GRXCR1: variants seen among roughly 807,000 people sequenced by gnomAD.
GRXCR1 encodes glutaredoxin domain-containing cysteine-rich protein 1.
GRXCR1 carries 27 observed loss-of-function variants against 27.3 expected under a neutral mutation model. The ratio of observed to expected loss-of-function variants is 0.99; its 90% CI spans 0.73 to 1.37. The LOEUF (loss-of-function observed/expected upper bound fraction) is 1.37. GRXCR1 is among the 40% of genes most tolerant of loss of function. The pLI, the probability that GRXCR1 is intolerant of heterozygous loss-of-function variation, is 0.00. For missense variants in GRXCR1, 379 were observed against 354.4 expected, an observed-to-expected ratio of 1.07 and a Z score of -0.56; for synonymous variants, 122 against 131.1, an observed-to-expected ratio of 0.93 and a Z score of 0.47.
chr4:42,916,672 T>G (rs1746893755), intron 1 of GRXCR1, among the ~76,000 whole-genome samples: 1 of 152,150 alleles, frequency 6.6e-6, no homozygotes, highest in African/African-American at 2.4e-5. Context: ...TTAGTAATAC[T>G]AATTTTCATC....
At chr4:42,977,762 T>A (rs2109782977) in intron 2 of GRXCR1, among the ~76,000 whole-genome samples, 1 of 152,194 alleles carries the variant, frequency 6.6e-6, no homozygotes, top group Admixed American at 6.6e-5. Flanking sequence ...GGTTGTCCCC[T>A]CACTCTGTTG....
chr4:42,939,016 T>C (rs1747533535), intron 1 of GRXCR1, among the ~76,000 whole-genome samples: 1 of 152,084 alleles, frequency 6.6e-6, no homozygotes, highest in Non-Finnish European at 1.5e-5. Context: ...AGATAAATTT[T>C]AGAATTGCTT....
intron 2 of GRXCR1, among the ~76,000 whole-genome samples, chr4:43,008,429 A>C (rs1712633653): frequency 6.6e-6 from 1 of 152,210 alleles, no homozygotes; most frequent in African/African-American, 2.4e-5. Context: ...GTTTGCCTTT[A>C]CAAGTGGCAC....
chr4:42,899,409 C>T (rs1205680209), intron 1 of GRXCR1, among the ~76,000 whole-genome samples: 2 of 152,108 alleles, frequency 1.3e-5, no homozygotes, highest in African/African-American at 2.4e-5. Context: ...TAAAGCAATT[C>T]CTGGAGGAAC....
At chr4:43,030,286 A>T in intron 3 of GRXCR1, 75 bp from the exon 4 acceptor site, 1 of 1,374,158 alleles carries the variant, frequency 7.3e-7, no homozygotes, top group Non-Finnish European at 1.0e-6. Context: ...CAGTTCAGAA[A>T]GACCGGGAGG....
chr4:42,921,476 A>G (rs1406842756), intron 1 of GRXCR1, among the ~76,000 whole-genome samples: 1 of 152,128 alleles, frequency 6.6e-6, no homozygotes, highest in African/African-American at 2.4e-5. Context: ...ATCCAACTGC[A>G]GGAAATACTA....
intron 2 of GRXCR1, among the ~76,000 whole-genome samples, chr4:42,971,225 A>T (rs972904769): frequency 6.6e-6 from 1 of 152,144 alleles, no homozygotes; most frequent in African/African-American, 2.4e-5. Context: ...GTTTCTAGGA[A>T]GTTCCAAACT....
At chr4:42,894,176 T>G (rs1413722324) in intron 1 of GRXCR1, among the ~76,000 whole-genome samples, 1 of 152,130 alleles carries the variant, frequency 6.6e-6, no homozygotes, top group East Asian at 1.9e-4. Flanking sequence ...CAATATCAAT[T>G]TCTCTATTAA....
chr4:42,906,212 T>G (rs73240012), intron 1 of GRXCR1, among the ~76,000 whole-genome samples: 5,326 of 152,202 alleles, frequency 0.035, 140 homozygotes, highest in Non-Finnish European at 0.055. Flanking sequence ...AGTAAAAGTG[T>G]TAGTATAGTA....
intron 1 of GRXCR1, among the ~76,000 whole-genome samples, chr4:42,911,066 CA>C (rs1425467799): frequency 6.6e-6 from 1 of 152,128 alleles, no homozygotes; most frequent in African/African-American, 2.4e-5. Flanking sequence ...CCAGCTTCCC[CA>C]CATGTCTGTG....
intron 1 of GRXCR1, among the ~76,000 whole-genome samples, chr4:42,936,898 T>G (rs1230023520): frequency 6.6e-6 from 1 of 151,956 alleles, no homozygotes; most frequent in Non-Finnish European, 1.5e-5. Flanking sequence ...TTTTCATTGT[T>G]GAAGTTAAAC....
chr4:42,979,503 A>C (rs1303092279), intron 2 of GRXCR1, among the ~76,000 whole-genome samples: 1 of 152,042 alleles, frequency 6.6e-6, no homozygotes, highest in Non-Finnish European at 1.5e-5. Context: ...AAGAATCTCA[A>C]TCATGGTGAA....
chr4:42,953,554 G>A (rs1235877284), intron 1 of GRXCR1, among the ~76,000 whole-genome samples: 1 of 152,156 alleles, frequency 6.6e-6, no homozygotes, highest in African/African-American at 2.4e-5. Context: ...CTGGTGGGAA[G>A]TGTAGAACAG....
intron 1 of GRXCR1, among the ~76,000 whole-genome samples, chr4:42,950,317 A>T (rs944757701): frequency 2.6e-5 from 4 of 152,104 alleles, no homozygotes; most frequent in Non-Finnish European, 4.4e-5. Flanking sequence ...AAGAGGAAAA[A>T]TATTTTAGAA....
rs143108133 is a variant in GRXCR1 at position 43,003,952 on chromosome 4, G to A, written c.628-16402G>A. Among the ~76,000 whole-genome samples, 1,002 of 152,362 alleles carry A rather than the reference G, an allele frequency of 6.6e-3. 6 individuals carry two copies. Among genetic ancestry groups the A allele is most frequent in the Non-Finnish European group, 7.6e-3 (519 of 68,038 alleles). ...AGTAAAGAGGAGCTGAATATTAATA[G>A]CAAAGACAATGGGGAAAATGTATTG... is the stretch of plus-strand genomic sequence containing the variant. On this transcript the variant is annotated intron_variant, in intron 2 of 3. Transcript: ENST00000399770.
chr4:43,014,062 A>G (rs549704377), intron 2 of GRXCR1, among the ~76,000 whole-genome samples: 1 of 152,172 alleles, frequency 6.6e-6, no homozygotes, highest in East Asian at 1.9e-4. Context: ...TGCAAAAAAA[A>G]AAAAAAAAAG....
chr4:42,931,605 G>A (rs969335225), intron 1 of GRXCR1, among the ~76,000 whole-genome samples: 3 of 151,150 alleles, frequency 2.0e-5, no homozygotes, highest in Non-Finnish European at 4.4e-5. Flanking sequence ...ATTATTAATT[G>A]GCAAAAAATT....
chr4:43,002,951 A>G (rs972466476), intron 2 of GRXCR1, among the ~76,000 whole-genome samples: 1 of 152,162 alleles, frequency 6.6e-6, no homozygotes, highest in Non-Finnish European at 1.5e-5. Context: ...TCATGAGGAG[A>G]GTTTTCCCCC....
intron 2 of GRXCR1, among the ~76,000 whole-genome samples, chr4:43,002,983 G>A (rs933382042): frequency 2.8e-4 from 43 of 152,310 alleles, no homozygotes; most frequent in African/African-American, 9.9e-4. Flanking sequence ...AAGATAGTGA[G>A]TGAGTGCTCA....
Sources: allele counts gnomAD v4.1 joint callset (sites outside exome capture counted in the v4.1 genomes callset), GRCh38; gene constraint gnomAD v4.1.1; transcripts MANE v1.5; gene names NCBI Gene and HGNC (gene_info 2026-07-23, HGNC 2026-07-21).